Variants in TOP1 observed in about 807,000 individuals in gnomAD.
TOP1 encodes DNA topoisomerase 1.
In TOP1, 10 loss-of-function variants were observed where a neutral mutation model predicts 111.1. The observed-to-expected ratio is 0.09, with a 90% CI of 0.06 to 0.15. The LOEUF (loss-of-function observed/expected upper bound fraction) is 0.15. Ranked by LOEUF, TOP1 falls within the 10% of genes least tolerant of loss-of-function variation. The probability of loss-of-function intolerance (pLI) is 1.00; values close to 1 mark genes in which losing one functional copy is unlikely to be tolerated. For synonymous variants in TOP1, 271 were observed against 302.9 expected (o/e 0.89, Z 1.10); for missense variants, 474 against 926.7 (o/e 0.51, Z 6.34).
intron 8 of TOP1, among the ~76,000 whole-genome samples, chr20:41,086,985 C>A (rs1250692457): frequency 6.6e-6 from 1 of 152,166 alleles, no homozygotes; most frequent in Non-Finnish European, 1.5e-5. Context: ...ATGACCTAGT[C>A]GGGGAGTTAA....
At position 41,083,067 on chromosome 20, in the gene TOP1, G is replaced by GT. The variant is rs2033808056; in HGVS notation, c.508-1389dup. The stretch of plus-strand genomic sequence containing the variant: ...CTCACTCGCCAACTATAGTTTTTTT[G>GT]TTTTTTGTTTTTTTCTCTTGTTTTT... On this transcript the variant is annotated intron_variant, in intron 7 of 20. Transcript: ENST00000361337. The surrounding 1 kb of genome is among the most constrained non-coding windows in gnomAD (Gnocchi z 7.2). 6.6e-6 allele frequency among the ~76,000 whole-genome samples: 1 copy of GT among 151,918 alleles called. No homozygotes were observed. The highest frequency in any genetic ancestry group is 1.5e-5 in the Non-Finnish European group (1 of 67,948).
rs1163578974 is a variant in TOP1 at position 41,111,602 on chromosome 20, C to CTT, written c.1309-1167_1309-1166dup. Among the ~76,000 whole-genome samples, 267 of 117,136 alleles carry CTT rather than the reference C, an allele frequency of 2.3e-3. 1 individual carries two copies. The highest frequency in any genetic ancestry group is 0.016 in the Middle Eastern group (4 of 250). The allele number at this position is 117,136 out of a possible 152,430, so 76.8% of individuals were successfully genotyped here. On this transcript the variant is annotated intron_variant, in intron 13 of 20. Transcript: ENST00000361337. ...GCGCCCCCACCCCACCCCCCGCCCC[C>CTT]TTTTTTTTTTTTTTGATAGGGTCAT...
intron 2 of TOP1, among the ~76,000 whole-genome samples, chr20:41,054,037 C>T (rs1462105102): frequency 5.3e-5 from 8 of 152,118 alleles, no homozygotes; most frequent in African/African-American, 1.9e-4. Context: ...TTGAGGAAAT[C>T]GTTACCACCC....
chr20:41,053,406 C>T (rs1051991080), intron 2 of TOP1, among the ~76,000 whole-genome samples: 14 of 152,154 alleles, frequency 9.2e-5, no homozygotes, highest in African/African-American at 3.1e-4. Flanking sequence ...TATTACTCTT[C>T]ACTTTGAAAC....
intron 3 of TOP1, among the ~76,000 whole-genome samples, chr20:41,063,044 C>G (rs945528258): frequency 2.0e-5 from 3 of 152,162 alleles, no homozygotes; most frequent in Admixed American, 6.5e-5. Flanking sequence ...TCCTGTCACC[C>G]AGGTACTGAG....
chr20:41,054,765 A>G, intron 2 of TOP1, among the ~76,000 whole-genome samples: 1 of 152,200 alleles, frequency 6.6e-6, no homozygotes, highest in East Asian at 1.9e-4. Flanking sequence ...ACTTGAATAT[A>G]TTTGGTTTTA....
intron 18 of TOP1, among the ~76,000 whole-genome samples, chr20:41,119,773 A>G (rs1285330445): frequency 6.6e-6 from 1 of 152,198 alleles, no homozygotes; most frequent in Non-Finnish European, 1.5e-5. Context: ...GATTCCTTGG[A>G]TCATATGATT....
rs1479266821 is a variant in TOP1, at chr20:41,094,371, G to C, written c.730+1784G>C. On this transcript the variant is annotated intron_variant, in intron 9 of 20. Transcript: ENST00000361337. This position sits in a 1 kb window ranked among gnomAD's most constrained non-coding sequence, Gnocchi z 4.4. ...TGAAGAGCACCATCTCAAAGCGTAG[G>C]TATTCCGTAGGCCTGGTCTGGACTT... Among the ~76,000 whole-genome samples, 1 of 152,160 alleles carries C rather than the reference G, an allele frequency of 6.6e-6. No individual in the cohort carries two copies. Among genetic ancestry groups the C allele is most frequent in the Non-Finnish European group, 1.5e-5 (1 of 68,036 alleles).
intron 13 of TOP1, among the ~76,000 whole-genome samples, chr20:41,111,538 C>G (rs1236521450): frequency 2.6e-5 from 4 of 151,524 alleles, no homozygotes; most frequent in African/African-American, 4.9e-5. Context: ...CATTCTTGCT[C>G]TAGGTATCTC....
At chr20:41,072,286 T>C in intron 3 of TOP1, 1 of 985,246 alleles carries the variant, frequency 1.0e-6, no homozygotes, top group Non-Finnish European at 1.2e-6. Context: ...AGTATGAAGA[T>C]AATACAGTAT....
In TOP1 at chr20:41,058,821, G is replaced by A. The variant is rs565794841; in HGVS notation, c.59-2573G>A. On this transcript the variant is annotated intron_variant, in intron 2 of 20. Transcript: ENST00000361337. The surrounding 1 kb of genome is among the most constrained non-coding windows in gnomAD (Gnocchi z 4.2). ...GAAATAGACCTATAATTATATGACC[G>A]CTCGAAAACGCCAAGACAATTTAAT... 2.0e-4 allele frequency among the ~76,000 whole-genome samples: 30 copies of A among 152,158 alleles called. No homozygotes were observed. Among genetic ancestry groups the A allele is most frequent in the East Asian group, 3.9e-4 (2 of 5,176 alleles).
At chr20:41,086,675 A>G (rs1247749606) in intron 8 of TOP1, among the ~76,000 whole-genome samples, 1 of 152,236 alleles carries the variant, frequency 6.6e-6, no homozygotes, top group African/African-American at 2.4e-5. Flanking sequence ...GTGTTGCCAC[A>G]CATTCACTCT....
chr20:41,120,434 G>A (rs555513743), intron 18 of TOP1, among the ~76,000 whole-genome samples: 3 of 152,324 alleles, frequency 2.0e-5, no homozygotes, highest in South Asian at 2.1e-4. Flanking sequence ...ACTCCGTAGA[G>A]GTTGTCTTCA....
chr20:41,086,084 G>A (rs1011021046), intron 8 of TOP1, among the ~76,000 whole-genome samples: 4 of 152,090 alleles, frequency 2.6e-5, no homozygotes, highest in Non-Finnish European at 5.9e-5. Context: ...CCAACATGGC[G>A]AAACCTCATC....
rs896886123 is a variant in TOP1 at position 41,122,872 on chromosome 20, T to C, written c.2196-323T>C. ...CAATATAGTATAGTGGTTAAGAACA[T>C]GGAGAAAAACTGCTTGGGTTCAAAT... is the stretch of plus-strand genomic sequence containing the variant. On this transcript the variant is annotated intron_variant, in intron 20 of 20. Coordinates refer to ENST00000361337, the MANE Select transcript of TOP1 (RefSeq NM_003286.4). The surrounding 1 kb of genome is among the most constrained non-coding windows in gnomAD (Gnocchi z 5.4). 1.3e-5 allele frequency among the ~76,000 whole-genome samples: 2 copies of C among 152,222 alleles called. No individual in the cohort carries two copies. The highest frequency in any genetic ancestry group is 4.8e-5 in the African/African-American group (2 of 41,466).
intron 3 of TOP1, among the ~76,000 whole-genome samples, chr20:41,062,525 T>G (rs952393768): frequency 6.6e-6 from 1 of 152,220 alleles, no homozygotes; most frequent in African/African-American, 2.4e-5. Context: ...TCTGGTAAAT[T>G]TAATCTCAGT....
chr20:41,076,371 C>G (rs1026479535), intron 4 of TOP1, 77 bp downstream of exon 4: 72 of 1,511,560 alleles, frequency 4.8e-5, no homozygotes, highest in Non-Finnish European at 5.8e-5. Context: ...ATCTTAATTG[C>G]ATAGTAAGAT....
rs1466317662 is a variant in TOP1 at position 41,114,414 on chromosome 20, G to A, written c.1638+259G>A. 3.3e-5 allele frequency among the ~76,000 whole-genome samples: 5 copies of A among 152,224 alleles called. No individual in the cohort carries two copies. Among genetic ancestry groups the A allele is most frequent in the African/African-American group, 1.2e-4 (5 of 41,452 alleles). On this transcript the variant is annotated intron_variant, in intron 15 of 20. Coordinates refer to ENST00000361337, the MANE Select transcript of TOP1 (RefSeq NM_003286.4). This position sits in a 1 kb window ranked among gnomAD's most constrained non-coding sequence, Gnocchi z 4.5. ...TACTCCAGCCTGGGCAAAATAGTGA[G>A]ACCTTGCCTCTCATATTAAAATAAA...
In TOP1 at chr20:41,030,692, A is replaced by G. The variant is rs762947016; in HGVS notation, c.58+1237A>G. ...TTTTGATGGTACATAATCCTGCTCA[A>G]TTGAGTTTGGGTTCCGGGAACCTCT... On this transcript the variant is annotated intron_variant, in intron 2 of 20. Transcript: ENST00000361337. The surrounding 1 kb of genome is among the most constrained non-coding windows in gnomAD (Gnocchi z 4.1). Among the ~76,000 whole-genome samples, 9 of 152,192 alleles carry G rather than the reference A, an allele frequency of 5.9e-5. No individual in the cohort carries two copies. Among genetic ancestry groups the G allele is most frequent in the African/African-American group, 1.4e-4 (6 of 41,518 alleles).
Sources: allele counts gnomAD v4.1 joint callset (sites outside exome capture counted in the v4.1 genomes callset), GRCh38; gene constraint gnomAD v4.1.1; non-coding constraint Gnocchi (gnomAD v3.1); transcripts MANE v1.5; gene names NCBI Gene and HGNC (gene_info 2026-07-23, HGNC 2026-07-21).